Variants in GRIK1 observed in about 807,000 individuals in gnomAD.
The protein encoded by GRIK1 is glutamate receptor ionotropic, kainate 1.
In GRIK1, 69 loss-of-function variants were observed where a neutral mutation model predicts 105.7. The ratio of observed to expected loss-of-function variants is 0.65; its 90% CI spans 0.54 to 0.80. GRIK1 has a LOEUF of 0.80. GRIK1 is among the 30% of genes least tolerant of loss of function. The pLI is 0.00. For missense variants in GRIK1, 1,109 were observed against 1,167.3 expected (o/e 0.95, Z 0.73); for synonymous variants, 438 against 431.3 (o/e 1.02, Z -0.19).
At chr21:29,842,871 C>T (rs1053950789) in intron 1 of GRIK1, among the ~76,000 whole-genome samples, 6 of 152,184 alleles carry the variant, frequency 3.9e-5, no homozygotes, top group African/African-American at 1.2e-4. Flanking sequence ...TTTAATACCC[C>T]TATAGGCTTC....
intron 16 of GRIK1, 21 bp downstream of exon 16, chr21:29,555,031 T>G (rs1289430843): frequency 6.3e-7 from 1 of 1,590,812 alleles, no homozygotes; most frequent in Non-Finnish European, 8.6e-7. Flanking sequence ...AACTAACCAG[T>G]CCTAGAAAGA....
At chr21:29,602,445 AAGTTTAC>A (rs1464383414) in intron 7 of GRIK1, among the ~76,000 whole-genome samples, 3 of 152,194 alleles carry the variant, frequency 2.0e-5, no homozygotes, top group Non-Finnish European at 4.4e-5. Flanking sequence ...CAGCCCCTAG[AAGTTTAC>A]AGTTTAGTAG....
intron 1 of GRIK1, among the ~76,000 whole-genome samples, chr21:29,803,225 TTTA>T (rs1451781369): frequency 6.6e-6 from 1 of 152,208 alleles, no homozygotes; most frequent in Non-Finnish European, 1.5e-5. Context: ...TCCAACTTTA[TTTA>T]TTTTTAAAAA....
intron 1 of GRIK1, among the ~76,000 whole-genome samples, chr21:29,938,769 G>A (rs915601404): frequency 2.6e-5 from 4 of 152,106 alleles, no homozygotes; most frequent in African/African-American, 9.7e-5. Flanking sequence ...CTCACTCTTC[G>A]AATCTTCAGC....
chr21:29,604,571 A>G (rs363454), intron 7 of GRIK1, among the ~76,000 whole-genome samples: 2,924 of 152,342 alleles, frequency 0.019, 102 homozygotes, highest in African/African-American at 0.067. Context: ...GCTGAAGCAT[A>G]TACAATTTAG....
chr21:29,552,485 TCTTTC>T (rs576492637), intron 16 of GRIK1, among the ~76,000 whole-genome samples: 2 of 152,232 alleles, frequency 1.3e-5, no homozygotes, highest in East Asian at 1.9e-4. Context: ...GTATGGACAT[TCTTTC>T]CTTTATTTTT....
chr21:29,800,745 T>C (rs2066684554), intron 1 of GRIK1, among the ~76,000 whole-genome samples: 1 of 152,274 alleles, frequency 6.6e-6, no homozygotes, highest in Middle Eastern at 3.4e-3. Context: ...TAAGACATGG[T>C]CTATACCACA....
At chr21:29,878,044 A>T (rs2069253295) in intron 1 of GRIK1, among the ~76,000 whole-genome samples, 1 of 152,166 alleles carries the variant, frequency 6.6e-6, no homozygotes, top group Non-Finnish European at 1.5e-5. Context: ...ATATTTGAAA[A>T]AGGTCCTTAG....
In GRIK1 at chr21:29,693,968, T is replaced by A. The variant is rs1169009614; in HGVS notation, c.214A>T (p.Met72Leu). ...TCATAGGTTAATGTGGTGTTAGGCATCAGGGTTCGGTTTCTGTTAATGCTG... is the reference window on the plus strand; with the variant it reads ...TCATAGGTTAATGTGGTGTTAGGCAACAGGGTTCGGTTTCTGTTAATGCTG... ...VTSINRNRTL[M>L]PNTTLTYDIQ... The change falls in exon 2 of 18, where the codon ATG becomes TTG. Residue 72 changes from methionine to leucine, a missense_variant. Physicochemically the swap from Met to Leu is conservative, Grantham distance 15. Around this residue, in one of 5 missense-constraint regions of GRIK1, gnomAD observed 612 missense variants for 586.0 expected, o/e 1.04. Transcript: ENST00000327783. The A allele has an allele frequency of 3.7e-6, 6 of 1,612,478 alleles. No individual in the cohort carries two copies. Among genetic ancestry groups the A allele is most frequent in the Non-Finnish European group, 5.1e-6 (6 of 1,178,580 alleles).
At chr21:29,876,524 A>T (rs1289755386) in intron 1 of GRIK1, among the ~76,000 whole-genome samples, 3 of 152,118 alleles carry the variant, frequency 2.0e-5, no homozygotes, top group Non-Finnish European at 4.4e-5. Context: ...TTTGCAAATT[A>T]TATTCAGCAT....
At chr21:29,594,226 C>A (rs1360128698) in intron 9 of GRIK1, among the ~76,000 whole-genome samples, 1 of 151,798 alleles carries the variant, frequency 6.6e-6, no homozygotes, top group African/African-American at 2.4e-5. Flanking sequence ...CATGTGTGTA[C>A]CTGTGTCTTT....
intron 1 of GRIK1, among the ~76,000 whole-genome samples, chr21:29,861,112 G>T (rs117207967): frequency 0.012 from 1,778 of 152,064 alleles, 73 homozygotes; most frequent in Admixed American, 0.083. Context: ...ATGTCATCTG[G>T]AAATAAGAGA....
At chr21:29,588,234 A>G (rs1013040330) in intron 11 of GRIK1, among the ~76,000 whole-genome samples, 1 of 152,050 alleles carries the variant, frequency 6.6e-6, no homozygotes, top group African/African-American at 2.4e-5. Flanking sequence ...TCAGACTCCC[A>G]AAGTGTAAAA....
intron 3 of GRIK1, among the ~76,000 whole-genome samples, chr21:29,674,533 CG>C (rs540559776): frequency 1.3e-5 from 2 of 151,752 alleles, no homozygotes; most frequent in African/African-American, 4.8e-5. Flanking sequence ...CCCCATGTGT[CG>C]GGGGGGAACT....
intron 16 of GRIK1, among the ~76,000 whole-genome samples, chr21:29,545,508 G>C (rs1275987396): frequency 6.6e-6 from 1 of 152,266 alleles, no homozygotes; most frequent in East Asian, 1.9e-4. Context: ...CATTTCAGAG[G>C]CTGAATTAGG....
chr21:29,905,739 G>A (rs1465697822), intron 1 of GRIK1, among the ~76,000 whole-genome samples: 1 of 137,996 alleles, frequency 7.2e-6, no homozygotes, highest in African/African-American at 2.8e-5. Flanking sequence ...CCATTCTCCT[G>A]CCTCAGCCTC....
At chr21:29,794,786 T>A (rs1312610531) in intron 1 of GRIK1, among the ~76,000 whole-genome samples, 1 of 152,148 alleles carries the variant, frequency 6.6e-6, no homozygotes, top group African/African-American at 2.4e-5. Context: ...AGTAACTAAC[T>A]CATTATTGGT....
At chr21:29,622,583 G>T (rs1363951556) in intron 7 of GRIK1, among the ~76,000 whole-genome samples, 1 of 152,166 alleles carries the variant, frequency 6.6e-6, no homozygotes, top group Non-Finnish European at 1.5e-5. Context: ...TCCCAGAAGG[G>T]TGATGACCAA....
At chr21:29,569,960 C>G (rs1308124125) in intron 14 of GRIK1, among the ~76,000 whole-genome samples, 1 of 152,062 alleles carries the variant, frequency 6.6e-6, no homozygotes, top group Non-Finnish European at 1.5e-5. Context: ...CATGTAGCCC[C>G]TAGGAAAGCT....
Sources: allele counts gnomAD v4.1 joint callset (sites outside exome capture counted in the v4.1 genomes callset), GRCh38; gene constraint gnomAD v4.1.1; regional missense constraint gnomAD v4.1.1; transcripts MANE v1.5; gene names NCBI Gene and HGNC (gene_info 2026-07-23, HGNC 2026-07-21).